The following TRIM33 variants were observed in gnomAD, a reference collection of about 807,000 sequenced individuals.
TRIM33 encodes tripartite motif containing 33, also known as E3 ubiquitin-protein ligase TRIM33.
TRIM33 carries 20 observed loss-of-function variants against 125.4 expected under a neutral mutation model. The observed-to-expected ratio is 0.16, with a 90% CI of 0.11 to 0.23. The LOEUF is 0.23. Among genes scored for constraint, TRIM33 ranks in the 10% least tolerant of loss-of-function variants. The pLI is 1.00. For missense variants in TRIM33, 920 were observed against 1,411.4 expected, an observed-to-expected ratio of 0.65 and a Z score of 5.58; for synonymous variants, 564 against 513.9, an observed-to-expected ratio of 1.10 and a Z score of -1.32.
chr1:114,444,943 G>A (rs1253522609), intron 4 of TRIM33, among the ~76,000 whole-genome samples: 19 of 152,080 alleles, frequency 1.2e-4, no homozygotes, highest in Admixed American at 1.2e-3. Context: ...TAGGTTCTTA[G>A]TGAACAAACT....
At chr1:114,454,018 T>C (rs1239249769) in intron 4 of TRIM33, among the ~76,000 whole-genome samples, 2 of 152,254 alleles carry the variant, frequency 1.3e-5, no homozygotes, top group South Asian at 2.1e-4. Context: ...ACTGTGAGTA[T>C]AACAGCTTGC....
At chr1:114,423,806 C>T (rs1647365995) in intron 10 of TRIM33, among the ~76,000 whole-genome samples, 1 of 152,070 alleles carries the variant, frequency 6.6e-6, no homozygotes, top group Admixed American at 6.6e-5. Flanking sequence ...CGCAGATTGA[C>T]CTGAGAGACT....
chr1:114,487,901 C>A (rs1210263998), intron 1 of TRIM33, among the ~76,000 whole-genome samples: 6 of 62,248 alleles, frequency 9.6e-5, no homozygotes, highest in Admixed American at 2.3e-4. Context: ...GAGACTCCGT[C>A]TCAAAAAAAA....
chr1:114,480,764 A>T (rs991359116), intron 1 of TRIM33, among the ~76,000 whole-genome samples: 3 of 152,222 alleles, frequency 2.0e-5, no homozygotes, highest in African/African-American at 7.2e-5. Context: ...AGTAAAATCC[A>T]ACTATATATC....
At chr1:114,466,024 CAG>C (rs948926084) in intron 1 of TRIM33, among the ~76,000 whole-genome samples, 24 of 149,938 alleles carry the variant, frequency 1.6e-4, no homozygotes, top group African/African-American at 4.9e-4. Flanking sequence ...GCTTGGGCGA[CAG>C]AGAGACTCGG....
chr1:114,458,376 GAGAT>G (rs1472209463), intron 4 of TRIM33, among the ~76,000 whole-genome samples: 1 of 152,132 alleles, frequency 6.6e-6, no homozygotes, highest in Non-Finnish European at 1.5e-5. Context: ...ACTAGTGTTT[GAGAT>G]ATTTTTCAGA....
At chr1:114,457,266 T>G (rs902457839) in intron 4 of TRIM33, among the ~76,000 whole-genome samples, 1 of 152,120 alleles carries the variant, frequency 6.6e-6, no homozygotes, top group African/African-American at 2.4e-5. Context: ...CGCCATGATT[T>G]TGGGAAGTGT....
intron 11 of TRIM33, among the ~76,000 whole-genome samples, chr1:114,415,632 GCTCA>G (rs1652885863): frequency 6.6e-6 from 1 of 151,988 alleles, no homozygotes; most frequent in South Asian, 2.1e-4. Flanking sequence ...GTACCAATAA[GCTCA>G]CTGTTTTGAC....
intron 1 of TRIM33, among the ~76,000 whole-genome samples, chr1:114,504,148 T>TTTTTTTTTATTTTTTTA (rs1652861055): frequency 6.6e-6 from 1 of 151,050 alleles, no homozygotes; most frequent in Non-Finnish European, 1.5e-5. Flanking sequence ...GCCATTATCC[T>TTTTTTTTTATTTTTTTA]TTTTTTTTAT....
At chr1:114,499,285 G>A (rs1652568530) in intron 1 of TRIM33, among the ~76,000 whole-genome samples, 1 of 152,096 alleles carries the variant, frequency 6.6e-6, no homozygotes, top group South Asian at 2.1e-4. Flanking sequence ...GGAAGACATG[G>A]GAGCCTAGGG....
chr1:114,418,448 T>C (rs371028944), intron 11 of TRIM33, among the ~76,000 whole-genome samples: 21 of 152,194 alleles, frequency 1.4e-4, no homozygotes, highest in African/African-American at 4.6e-4. Flanking sequence ...CATGCTGATA[T>C]TAATTATTCC....
intron 1 of TRIM33, among the ~76,000 whole-genome samples, chr1:114,480,470 TCAA>T: frequency 2.5e-5 from 2 of 79,838 alleles, no homozygotes; most frequent in Non-Finnish European, 4.5e-5. Flanking sequence ...CCAAGAATGA[TCAA>T]TTTAAAAAAA....
At chr1:114,485,374 G>A (rs1651616631) in intron 1 of TRIM33, among the ~76,000 whole-genome samples, 1 of 151,900 alleles carries the variant, frequency 6.6e-6, no homozygotes, top group South Asian at 2.1e-4. Context: ...CTCCCACCTG[G>A]CAATAATAAG....
chr1:114,412,171 T>C (rs901715675), intron 11 of TRIM33, among the ~76,000 whole-genome samples: 1 of 152,178 alleles, frequency 6.6e-6, no homozygotes, highest in African/African-American at 2.4e-5. Context: ...AATGCAAAAA[T>C]GGGCATTTTC....
At chr1:114,471,208 G>C (rs116728245) in intron 1 of TRIM33, among the ~76,000 whole-genome samples, 4,009 of 152,300 alleles carry the variant, frequency 0.026, 91 homozygotes, top group Non-Finnish European at 0.034. Flanking sequence ...CAGCGATTTG[G>C]AAGGCCGAGG....
At chr1:114,472,522 T>G (rs1440362555) in intron 1 of TRIM33, among the ~76,000 whole-genome samples, 1 of 152,050 alleles carries the variant, frequency 6.6e-6, no homozygotes, top group African/African-American at 2.4e-5. Context: ...CGCTTCAGTC[T>G]AGGAGTTTGA....
chr1:114,408,943 A>G (rs980281091), intron 12 of TRIM33, among the ~76,000 whole-genome samples: 1 of 152,214 alleles, frequency 6.6e-6, no homozygotes, highest in Non-Finnish European at 1.5e-5. Context: ...TCACCTCAGA[A>G]TCCTCCTCAG....
At chr1:114,446,767 G>A (rs911036789) in intron 4 of TRIM33, among the ~76,000 whole-genome samples, 3 of 152,080 alleles carry the variant, frequency 2.0e-5, no homozygotes, top group African/African-American at 7.2e-5. Context: ...AAAAAACAGA[G>A]AAAGGAGCCT....
chr1:114,460,849 G>C (rs2101366493), intron 4 of TRIM33, among the ~76,000 whole-genome samples: 1 of 152,112 alleles, frequency 6.6e-6, no homozygotes. Context: ...ATGGAATGAA[G>C]TATTGCTCAA....
Sources: allele counts gnomAD v4.1 joint callset (sites outside exome capture counted in the v4.1 genomes callset), GRCh38; gene constraint gnomAD v4.1.1; transcripts MANE v1.5; gene names NCBI Gene and HGNC (gene_info 2026-07-23, HGNC 2026-07-21).